The following ANTXR1 variants were observed in gnomAD, a reference collection of about 807,000 sequenced individuals.
ANTXR1 encodes anthrax toxin receptor 1.
In ANTXR1, 19 loss-of-function variants were observed where a neutral mutation model predicts 78.1. The observed-to-expected ratio is 0.24, with a 90% confidence interval of 0.17 to 0.36. The LOEUF (loss-of-function observed/expected upper bound fraction) is 0.36, where lower values mean the gene tolerates loss of function less well. Among genes scored for constraint, ANTXR1 ranks in the 10% least tolerant of loss-of-function variants. ANTXR1 has a pLI of 1.00. For missense variants in ANTXR1, 518 were observed against 718.6 expected (o/e 0.72, Z 3.19); for synonymous variants, 273 against 260.5 (o/e 1.05, Z -0.46).
At chr2:69,193,807 C>T (rs906754884) in intron 17 of ANTXR1, among the ~76,000 whole-genome samples, 1 of 152,222 alleles carries the variant, frequency 6.6e-6, no homozygotes, top group African/African-American at 2.4e-5. Flanking sequence ...ACTGGCCACA[C>T]AAGCCAGTGG....
At chr2:69,020,970 C>A (rs1671172967) in intron 1 of ANTXR1, among the ~76,000 whole-genome samples, 3 of 152,118 alleles carry the variant, frequency 2.0e-5, no homozygotes, top group Admixed American at 6.6e-5. Context: ...GGAAGAAGTC[C>A]CAGGCTGTCA....
At chr2:69,190,080 T>G (rs1674514140) in intron 16 of ANTXR1, among the ~76,000 whole-genome samples, 1 of 152,038 alleles carries the variant, frequency 6.6e-6, no homozygotes, top group African/African-American at 2.4e-5. Flanking sequence ...AAGGCCACCA[T>G]GTCAGGTGTA....
chr2:69,215,849 T>C (rs78322343), intron 17 of ANTXR1, among the ~76,000 whole-genome samples: 7,978 of 152,338 alleles, frequency 0.052, 551 homozygotes, highest in African/African-American at 0.15. Context: ...CTTGGCTACA[T>C]TGCTTAAAAC....
chr2:69,059,174 A>G (rs1000123026), intron 3 of ANTXR1, among the ~76,000 whole-genome samples: 4 of 152,254 alleles, frequency 2.6e-5, no homozygotes, highest in Admixed American at 2.6e-4. Flanking sequence ...AGCAGCAACA[A>G]GGTTTGAGAG....
chr2:69,229,717 A>G (rs1424974958), intron 17 of ANTXR1, among the ~76,000 whole-genome samples: 2 of 150,854 alleles, frequency 1.3e-5, no homozygotes, highest in African/African-American at 4.9e-5. Context: ...CTCACTCAGC[A>G]TGACCATGCC....
At chr2:69,018,161 A>G (rs897186238) in intron 1 of ANTXR1, among the ~76,000 whole-genome samples, 6 of 152,160 alleles carry the variant, frequency 3.9e-5, no homozygotes, top group African/African-American at 1.2e-4. Flanking sequence ...ACAGCCTGTC[A>G]TTCATTTTCT....
intron 17 of ANTXR1, among the ~76,000 whole-genome samples, chr2:69,206,895 G>T (rs1266048541): frequency 2.6e-5 from 4 of 152,112 alleles, no homozygotes; most frequent in Non-Finnish European, 4.4e-5. Flanking sequence ...GCAAAAACTG[G>T]ACCTTACAAG....
rs746623194 is a variant in ANTXR1 at position 69,170,247 on chromosome 2, G to A, written c.1048-1G>A. The A allele has an allele frequency of 1.2e-6, 2 of 1,614,168 alleles. No homozygotes were observed. The highest frequency in any genetic ancestry group is 8.5e-7 in the Non-Finnish European group (1 of 1,180,018). ...TGACCTGTTCTCTGTTTTCTTTTCA[G>A]ATTATCAAGGAGGTCCCTCCACCCC... On this transcript the variant is annotated splice_acceptor_variant, in intron 13 of 17. Transcript: ENST00000303714. LOFTEE classifies it high-confidence loss of function.
chr2:69,149,943 C>G, intron 12 of ANTXR1, among the ~76,000 whole-genome samples: 1 of 152,224 alleles, frequency 6.6e-6, no homozygotes, highest in East Asian at 1.9e-4. Context: ...TCCCGTCGGC[C>G]ATGGCATGTC....
chr2:69,071,741 A>T lies in ANTXR1; in HGVS notation c.379-13A>T. 1 of 1,613,796 alleles carries T rather than the reference A, an allele frequency of 6.2e-7. No individual in the cohort carries two copies. The highest frequency in any genetic ancestry group is 8.5e-7 in the Non-Finnish European group (1 of 1,179,752). On this transcript the variant is annotated splice_polypyrimidine_tract_variant and intron_variant, in intron 4 of 17. Transcript: ENST00000303714. ...TGGTTATAAGTCTAAGGGCTCTTTC[A>T]TATGTTTTTCAGGCCAGTGAGCAGA...
chr2:69,080,126 G>A (rs1437499453), intron 8 of ANTXR1, among the ~76,000 whole-genome samples: 1 of 152,214 alleles, frequency 6.6e-6, no homozygotes, highest in Admixed American at 6.5e-5. Flanking sequence ...TATGCTAGTG[G>A]TTTTGATCCT....
intron 11 of ANTXR1, among the ~76,000 whole-genome samples, chr2:69,123,582 G>A (rs542832553): frequency 3.9e-4 from 60 of 152,274 alleles, no homozygotes; most frequent in African/African-American, 1.4e-3. Context: ...CCAGACTCAC[G>A]CCTTCTGATG....
intron 10 of ANTXR1, among the ~76,000 whole-genome samples, chr2:69,107,152 T>G (rs941002475): frequency 6.6e-6 from 1 of 152,242 alleles, no homozygotes; most frequent in South Asian, 2.1e-4. Flanking sequence ...CAGATTTTTT[T>G]CACCCAAGTT....
intron 10 of ANTXR1, among the ~76,000 whole-genome samples, chr2:69,113,087 G>T (rs867289054): frequency 6.6e-6 from 1 of 152,156 alleles, no homozygotes; most frequent in African/African-American, 2.4e-5. Flanking sequence ...TTGACTCCAC[G>T]TGAAAATCGT....
intron 3 of ANTXR1, among the ~76,000 whole-genome samples, chr2:69,048,609 A>G (rs1305775084): frequency 6.6e-6 from 1 of 152,162 alleles, no homozygotes; most frequent in Non-Finnish European, 1.5e-5. Flanking sequence ...ACCACTGTGT[A>G]ATAATCTTTT....
chr2:69,031,470 T>C (rs1440867307), intron 1 of ANTXR1, among the ~76,000 whole-genome samples: 3 of 152,214 alleles, frequency 2.0e-5, no homozygotes, highest in African/African-American at 7.2e-5. Context: ...TGAAATCAGT[T>C]TGTCCTTCCT....
At chr2:69,085,707 T>TA (rs66899450) in intron 8 of ANTXR1, among the ~76,000 whole-genome samples, 104,942 of 149,762 alleles carry the variant, frequency 0.7, 36,969 homozygotes, top group African/African-American at 0.79. Flanking sequence ...GACCAAACAA[T>TA]AAAAAAAAAA....
intron 16 of ANTXR1, among the ~76,000 whole-genome samples, chr2:69,187,747 C>T (rs939419477): frequency 6.6e-6 from 1 of 151,530 alleles, no homozygotes; most frequent in Non-Finnish European, 1.5e-5. Context: ...GCCACCACAT[C>T]CAGCTAATTT....
chr2:69,187,721 G>A (rs2104469672), intron 16 of ANTXR1, among the ~76,000 whole-genome samples: 1 of 150,596 alleles, frequency 6.6e-6, no homozygotes, highest in African/African-American at 2.4e-5. Context: ...CCGAGTAGCT[G>A]GGACTACAGG....
Sources: allele counts gnomAD v4.1 joint callset (sites outside exome capture counted in the v4.1 genomes callset), GRCh38; gene constraint gnomAD v4.1.1; transcripts MANE v1.5; gene names NCBI Gene and HGNC (gene_info 2026-07-23, HGNC 2026-07-21).